The following PCDHGA2 variants were observed in gnomAD, a reference collection of about 807,000 sequenced individuals.
PCDHGA2 encodes the protein protocadherin gamma subfamily A, 2, also known as protocadherin gamma-A2.
A neutral mutation model predicts 59.2 loss-of-function variants in PCDHGA2; 40 were observed. The ratio of observed to expected loss-of-function variants is 0.68; its 90% CI spans 0.52 to 0.88. The LOEUF is 0.88. Ranked by LOEUF, PCDHGA2 falls within the 40% of genes least tolerant of loss-of-function variation. The pLI, the probability that PCDHGA2 is intolerant of heterozygous loss-of-function variation, is 0.00. For missense variants in PCDHGA2, 1,226 were observed against 1,204.0 expected, an observed-to-expected ratio of 1.02 and a Z score of -0.27; for synonymous variants, 560 against 526.0, an observed-to-expected ratio of 1.06 and a Z score of -0.89.
At chr5:141,464,279 C>CAA (rs373828487) in intron 1 of PCDHGA2, among the ~76,000 whole-genome samples, 8,568 of 137,664 alleles carry the variant, frequency 0.062, 499 homozygotes, top group African/African-American at 0.16. Context: ...AAAAAAAAAG[C>CAA]AAAAAAAAAA....
At chr5:141,379,981 C>T (rs968805615) in intron 1 of PCDHGA2, among the ~76,000 whole-genome samples, 16 of 135,132 alleles carry the variant, frequency 1.2e-4, no homozygotes, top group Non-Finnish European at 2.3e-4. Context: ...CTCACTGCAA[C>T]TTCCTCCTCC....
At chr5:141,372,101 C>T (rs984585015) in intron 1 of PCDHGA2, 8 of 1,613,794 alleles carry the variant, frequency 5.0e-6, no homozygotes, top group Middle Eastern at 1.7e-4. Context: ...CTCTGGGGCC[C>T]GAAGGCTCTG....
chr5:141,393,111 C>A (rs762190466), intron 1 of PCDHGA2: 1 of 1,613,380 alleles, frequency 6.2e-7, no homozygotes, highest in African/African-American at 1.3e-5. Flanking sequence ...CGCTCAGAGC[C>A]CGCGGTGTCT....
chr5:141,422,011 G>T (rs200879435), intron 1 of PCDHGA2: 2 of 1,610,252 alleles, frequency 1.2e-6, no homozygotes, highest in East Asian at 2.2e-5. Flanking sequence ...CGGAACTCGG[G>T]TGCTGATGGT....
At chr5:141,403,430 C>A in intron 1 of PCDHGA2, 1 of 1,614,022 alleles carries the variant, frequency 6.2e-7, no homozygotes, top group Non-Finnish European at 8.5e-7. Flanking sequence ...AGCTATTGAT[C>A]CGGATGTTGG....
intron 1 of PCDHGA2, chr5:141,478,109 T>G: frequency 1.2e-6 from 2 of 1,614,086 alleles, no homozygotes; most frequent in Non-Finnish European, 8.5e-7. Flanking sequence ...CCTCACTGTG[T>G]CAGTAACCGA....
intron 1 of PCDHGA2, chr5:141,385,279 T>C (rs1781077881): frequency 1.2e-6 from 2 of 1,613,486 alleles, no homozygotes; most frequent in African/African-American, 2.7e-5. Flanking sequence ...TTTGCTAACA[T>C]CCGTAGATTT....
At chr5:141,420,483 T>C in intron 1 of PCDHGA2, 2 of 581,364 alleles carry the variant, frequency 3.4e-6, no homozygotes, top group Non-Finnish European at 5.2e-6. Context: ...GCAAACTACA[T>C]GGGTAATCTC....
At chr5:141,454,123 C>CT (rs1273558932) in intron 1 of PCDHGA2, among the ~76,000 whole-genome samples, 5 of 152,194 alleles carry the variant, frequency 3.3e-5, no homozygotes, top group Non-Finnish European at 7.3e-5. Flanking sequence ...GAAGAAATAG[C>CT]TGACCATGGG....
rs1756836412 is a variant in PCDHGA2, at chr5:141,339,433, T to C, written c.462T>C (p.Leu154=). The C allele has an allele frequency of 1.2e-6, 2 of 1,614,206 alleles. No homozygotes were observed. Among genetic ancestry groups the C allele is most frequent in the East Asian group, 2.2e-5 (1 of 44,878 alleles). Residue 154 remains leucine (L), a synonymous_variant, in exon 1 of 4, where the codon CTT becomes CTC. Transcript: ENST00000394576. ...CTACGCCAGGATTCCGGATTCCTCT[T>C]AAGAATGCGCATGATGCAGACGTAG... ...ETTTPGFRIP[L]KNAHDADVGE... is the part of the protein sequence containing the mutation.
chr5:141,472,308 G>A (rs897967832), intron 1 of PCDHGA2, among the ~76,000 whole-genome samples: 6 of 152,074 alleles, frequency 3.9e-5, no homozygotes, highest in South Asian at 4.1e-4. Context: ...TTGGGAAGCC[G>A]AGGCAGGCAG....
chr5:141,423,552 C>A, intron 1 of PCDHGA2: 2 of 1,613,720 alleles, frequency 1.2e-6, no homozygotes, highest in Non-Finnish European at 1.7e-6. Context: ...CCCAGCCCAA[C>A]TATGGGGACA....
At position 141,345,668 on chromosome 5, in the gene PCDHGA2, C is replaced by T. The variant is rs894732912; in HGVS notation, c.2424+4273C>T. On this transcript the variant is annotated intron_variant, in intron 1 of 3. Transcript: ENST00000394576. ...GCGGGAACCCTCCACTCAGCAGCAA[C>T]GTGTCGCTGAACCTGTTCGTGCTGG... The T allele has an allele frequency of 3.7e-6, 6 of 1,614,210 alleles. No homozygotes were observed. In the South Asian group the frequency reaches 5.5e-5, roughly 15 times the overall value.
chr5:141,474,551 C>G (rs1032524620), intron 1 of PCDHGA2, among the ~76,000 whole-genome samples: 35 of 152,312 alleles, frequency 2.3e-4, no homozygotes, highest in Non-Finnish European at 3.5e-4. Flanking sequence ...GCATTTAAAA[C>G]TGGGGGTTTT....
intron 1 of PCDHGA2, chr5:141,420,357 C>A: frequency 7.3e-7 from 1 of 1,376,278 alleles, no homozygotes; most frequent in East Asian, 2.6e-5. Flanking sequence ...TTTTAAGATT[C>A]TAGATAACTT....
chr5:141,413,842 G>C, intron 1 of PCDHGA2: 1 of 1,613,294 alleles, frequency 6.2e-7, no homozygotes, highest in Non-Finnish European at 8.5e-7. Flanking sequence ...CGACGGGGGT[G>C]ACCCTCTCCG....
chr5:141,387,299 G>A (rs1405240674), intron 1 of PCDHGA2, among the ~76,000 whole-genome samples: 2 of 152,182 alleles, frequency 1.3e-5, no homozygotes, highest in South Asian at 2.1e-4. Flanking sequence ...AATGTATCCA[G>A]TATATTTCTA....
At chr5:141,356,666 A>T in intron 1 of PCDHGA2, 1 of 1,613,844 alleles carries the variant, frequency 6.2e-7, no homozygotes, top group Non-Finnish European at 8.5e-7. Flanking sequence ...CGAATCACTT[A>T]CTCCCTGGCC....
chr5:141,497,544 T>C (rs1410779650), intron 2 of PCDHGA2, among the ~76,000 whole-genome samples: 4 of 150,796 alleles, frequency 2.7e-5, no homozygotes, highest in African/African-American at 9.8e-5. Flanking sequence ...ACAAACCTTT[T>C]TTTTTTTTTT....
Sources: gnomAD v4.1 joint callset for allele counts (sites outside exome capture counted in the v4.1 genomes callset) on GRCh38, gnomAD v4.1.1 for gene constraint, MANE v1.5 for transcripts, NCBI Gene and HGNC (gene_info 2026-07-23, HGNC 2026-07-21) for gene names.